SDK1: variants seen among roughly 807,000 people sequenced by gnomAD.
SDK1 encodes the protein sidekick cell adhesion molecule 1, also known as protein sidekick-1.
A neutral mutation model predicts 245.5 loss-of-function variants in SDK1; 157 were observed. The observed-to-expected ratio is 0.64, with a 90% CI of 0.56 to 0.73. SDK1 has a LOEUF of 0.73. Among genes scored for constraint, SDK1 ranks in the 30% least tolerant of loss-of-function variants. The pLI is 0.00. For synonymous variants in SDK1, 1,647 were observed against 1,278.5 expected, an observed-to-expected ratio of 1.29 and a Z score of -6.15; for missense variants, 3,583 against 3,002.3, an observed-to-expected ratio of 1.19 and a Z score of -4.52.
At chr7:3,694,285 G>T (rs1239761215) in intron 4 of SDK1, among the ~76,000 whole-genome samples, 1 of 152,146 alleles carries the variant, frequency 6.6e-6, no homozygotes, top group African/African-American at 2.4e-5. Flanking sequence ...CCACCGGGAG[G>T]TCACTTCCCC....
chr7:4,259,624 A>G (rs905593087), intron 44 of SDK1, among the ~76,000 whole-genome samples: 3 of 152,190 alleles, frequency 2.0e-5, no homozygotes, highest in African/African-American at 7.2e-5. Context: ...TTCTTGTAGC[A>G]GAATATGAGA....
At chr7:3,815,814 A>T (rs1278410406) in intron 4 of SDK1, among the ~76,000 whole-genome samples, 3 of 150,034 alleles carry the variant, frequency 2.0e-5, no homozygotes, top group African/African-American at 7.5e-5. Flanking sequence ...ACCACACCAC[A>T]CCTATTCCAA....
intron 4 of SDK1, among the ~76,000 whole-genome samples, chr7:3,760,696 G>C (rs993651471): frequency 1.3e-5 from 2 of 152,116 alleles, no homozygotes; most frequent in Non-Finnish European, 2.9e-5. Context: ...GTGGTGTTTG[G>C]GATTGTGTCT....
intron 4 of SDK1, among the ~76,000 whole-genome samples, chr7:3,731,573 C>G (rs953409130): frequency 4.6e-5 from 7 of 152,170 alleles, no homozygotes; most frequent in Non-Finnish European, 8.8e-5. Context: ...TTGAGATGCA[C>G]CTGAGCAGGC....
intron 1 of SDK1, among the ~76,000 whole-genome samples, chr7:3,595,083 C>T (rs1223480942): frequency 6.6e-6 from 1 of 152,134 alleles, no homozygotes; most frequent in South Asian, 2.1e-4. Context: ...AATTTGATTT[C>T]AGCAACGCGT....
intron 1 of SDK1, among the ~76,000 whole-genome samples, chr7:3,486,165 A>T (rs1326746255): frequency 6.6e-6 from 1 of 151,818 alleles, no homozygotes; most frequent in Non-Finnish European, 1.5e-5. Context: ...TTTTCTTATG[A>T]AAATTTTAGA....
At chr7:3,547,935 G>A (rs556785057) in intron 1 of SDK1, among the ~76,000 whole-genome samples, 1 of 152,276 alleles carries the variant, frequency 6.6e-6, no homozygotes, top group Admixed American at 6.5e-5. Flanking sequence ...GTTGAAGAAC[G>A]TATTGGAAAG....
intron 4 of SDK1, among the ~76,000 whole-genome samples, chr7:3,724,570 C>A (rs976819994): frequency 6.6e-6 from 1 of 152,096 alleles, no homozygotes; most frequent in Admixed American, 6.5e-5. Context: ...TTGAACTGTA[C>A]TAGGTCGACT....
rs2079398 is a variant in SDK1, at chr7:4,129,871, G to A, written c.3940-37G>A. 8.1e-4 allele frequency: 1,304 copies of A among 1,609,538 alleles called. 2 individuals are homozygous for A. The highest frequency in any genetic ancestry group is 8.7e-4 in the Non-Finnish European group (1,020 of 1,178,104). Reference sequence around the variant, plus strand: ...GCCACGGCGGTCCCTCCTGGCACCCGCCTCCTGATAACCCTCGTGCTGTGT... The same window carrying A: ...GCCACGGCGGTCCCTCCTGGCACCCACCTCCTGATAACCCTCGTGCTGTGT... On this transcript the variant is annotated intron_variant, in intron 26 of 44. Transcript: ENST00000404826.
chr7:3,726,139 T>C (rs1779001803), intron 4 of SDK1, among the ~76,000 whole-genome samples: 2 of 152,238 alleles, frequency 1.3e-5, no homozygotes, highest in Non-Finnish European at 2.9e-5. Flanking sequence ...GAGAAGGATC[T>C]AGGGATATGA....
At chr7:4,205,732 T>G (rs6462647) in intron 35 of SDK1, 147 bp from the exon 36 acceptor site, 1 of 682,122 alleles carries the variant, frequency 1.5e-6, no homozygotes. Flanking sequence ...TAAGGCCTCC[T>G]AAGCCAGGGC....
At chr7:3,985,706 C>T (rs1783774678) in intron 13 of SDK1, among the ~76,000 whole-genome samples, 2 of 152,104 alleles carry the variant, frequency 1.3e-5, no homozygotes, top group African/African-American at 4.8e-5. Context: ...AAGACGACAT[C>T]CTGGGCTCGC....
At chr7:3,717,222 T>G (rs949890046) in intron 4 of SDK1, among the ~76,000 whole-genome samples, 3 of 152,040 alleles carry the variant, frequency 2.0e-5, no homozygotes, top group African/African-American at 7.2e-5. Context: ...TCAATGAATT[T>G]TAAAGAATAG....
chr7:3,840,988 G>A (rs944021753), intron 5 of SDK1, among the ~76,000 whole-genome samples: 1 of 152,192 alleles, frequency 6.6e-6, no homozygotes, highest in African/African-American at 2.4e-5. Context: ...GGCTGGGGAT[G>A]TGTTATTACC....
chr7:3,374,223 G>T (rs1781297422), intron 1 of SDK1, among the ~76,000 whole-genome samples: 1 of 152,132 alleles, frequency 6.6e-6, no homozygotes, highest in Non-Finnish European at 1.5e-5. Flanking sequence ...GCCTAAAGTG[G>T]CTCACTCCTT....
At chr7:4,201,385 C>A (rs1040259963) in intron 35 of SDK1, among the ~76,000 whole-genome samples, 11 of 152,134 alleles carry the variant, frequency 7.2e-5, no homozygotes, top group Admixed American at 4.6e-4. Context: ...CCCATAGTTC[C>A]TTAGGAAATC....
At chr7:3,348,111 A>T (rs549981603) in intron 1 of SDK1, among the ~76,000 whole-genome samples, 2 of 152,242 alleles carry the variant, frequency 1.3e-5, no homozygotes, top group South Asian at 4.2e-4. Flanking sequence ...TCACCTCTAA[A>T]GTGGGGACGA....
intron 26 of SDK1, among the ~76,000 whole-genome samples, chr7:4,127,793 C>T (rs1307835965): frequency 1.3e-5 from 2 of 152,264 alleles, no homozygotes; most frequent in African/African-American, 4.8e-5. Flanking sequence ...GGCCTCAGTG[C>T]CGCGGGCCAG....
In SDK1 at chr7:4,145,935, C is replaced by T. The variant is rs76005827; in HGVS notation, c.4423+19C>T. ...AAGAGAGGTAAGACCTTGGGGGACC[C>T]GGGGGTACTGCAGATGTTGTGGGCA... On this transcript the variant is annotated intron_variant, in intron 29 of 44. Coordinates refer to ENST00000404826, the MANE Select transcript of SDK1 (RefSeq NM_152744.4). 4,124 of 1,579,656 alleles carry T rather than the reference C, an allele frequency of 2.6e-3. 76 individuals carry two copies. The East Asian group carries it at 0.053, about 20-fold the overall frequency.
Sources: allele counts gnomAD v4.1 joint callset (sites outside exome capture counted in the v4.1 genomes callset), GRCh38; gene constraint gnomAD v4.1.1; transcripts MANE v1.5; gene names NCBI Gene and HGNC (gene_info 2026-07-23, HGNC 2026-07-21).